LMLN: variants seen among roughly 807,000 people sequenced by gnomAD.
LMLN encodes leishmanolysin like peptidase.
In LMLN, 70 loss-of-function variants were observed where a neutral mutation model predicts 92.3. The ratio of observed to expected loss-of-function variants is 0.76; its 90% CI spans 0.63 to 0.92. The LOEUF (loss-of-function observed/expected upper bound fraction) is 0.92, where lower values mean the gene tolerates loss of function less well. Ranked by LOEUF, LMLN falls within the 40% of genes least tolerant of loss-of-function variation. LMLN has a pLI of 0.00. For missense variants in LMLN, 691 were observed against 814.6 expected (o/e 0.85, Z 1.85); for synonymous variants, 308 against 296.2 (o/e 1.04, Z -0.41).
intron 11 of LMLN, among the ~76,000 whole-genome samples, chr3:198,001,030 T>C (rs1201060101): frequency 6.6e-6 from 1 of 152,218 alleles, no homozygotes; most frequent in Non-Finnish European, 1.5e-5. Context: ...CTGTTTCTAA[T>C]GCCCCCTCTA....
At chr3:198,036,075 G>A (rs553040401) in intron 15 of LMLN, 32 bp downstream of exon 16, 3 of 1,568,632 alleles carry the variant, frequency 1.9e-6, no homozygotes, top group African/African-American at 2.7e-5. Flanking sequence ...AATAAAGAGG[G>A]AAAAGTGAAG....
At position 197,976,419 on chromosome 3, in the gene LMLN, A is replaced by G. The variant is rs543172222; in HGVS notation, c.432-179A>G. On this transcript the variant is annotated intron_variant, in intron 4 of 15. Transcript: ENST00000330198. ...CTTTATGAAGTATTTGGGTGTTTAA[A>G]AACCCAAATCAAGAGGATTTCCTAT... 16 of 531,470 alleles carry G rather than the reference A, an allele frequency of 3.0e-5. No individual in the cohort carries two copies. In the East Asian group the frequency reaches 4.8e-4, roughly 16 times the overall value. 32.9% of individuals were successfully genotyped at this position (531,470 alleles called of 1,614,324 possible).
intron 1 of LMLN, among the ~76,000 whole-genome samples, chr3:197,968,324 G>T (rs1721119935): frequency 6.6e-6 from 1 of 151,972 alleles, no homozygotes; most frequent in Non-Finnish European, 1.5e-5. Context: ...AAAAAAATTA[G>T]CTGGGTGTGG....
chr3:197,992,059 C>T (rs1581150847), intron 9 of LMLN, among the ~76,000 whole-genome samples: 1 of 136,456 alleles, frequency 7.3e-6, no homozygotes, highest in Non-Finnish European at 1.5e-5. Context: ...ACGGGGGTTT[C>T]ACCATGTTGG....
chr3:197,989,331 T>C (rs1052678004), intron 8 of LMLN, among the ~76,000 whole-genome samples: 2 of 152,230 alleles, frequency 1.3e-5, no homozygotes, highest in African/African-American at 2.4e-5. Flanking sequence ...TGGGTGGTTT[T>C]TTTCATTGCT....
intron 11 of LMLN, among the ~76,000 whole-genome samples, chr3:198,008,203 C>T (rs562581051): frequency 4.0e-5 from 6 of 151,750 alleles, no homozygotes; most frequent in Admixed American, 3.3e-4. Context: ...TCTTTTTTCC[C>T]CAATTATTTT....
intron 14 of LMLN, among the ~76,000 whole-genome samples, chr3:198,032,843 C>T (rs371537707): frequency 1.3e-3 from 205 of 152,320 alleles, no homozygotes; most frequent in African/African-American, 4.7e-3. Context: ...CAGCTGGGTT[C>T]GGAACGAACT....
chr3:198,035,133 C>G (rs7374742), intron 14 of LMLN, among the ~76,000 whole-genome samples: 59,080 of 149,902 alleles, frequency 0.39, 14,330 homozygotes, highest in African/African-American at 0.69. Context: ...GCCCAAGGTA[C>G]TCAAAGCTGC....
intron 6 of LMLN, among the ~76,000 whole-genome samples, chr3:197,983,259 T>C (rs1721608241): frequency 6.6e-6 from 1 of 152,174 alleles, no homozygotes; most frequent in African/African-American, 2.4e-5. Flanking sequence ...AGAACTGAGC[T>C]TGGGGTTCCT....
At chr3:198,037,015 C>T (rs1723252834) in intron 15 of LMLN, among the ~76,000 whole-genome samples, 1 of 152,122 alleles carries the variant, frequency 6.6e-6, no homozygotes, top group African/African-American at 2.4e-5. Context: ...TTTTCCAAAT[C>T]CTGAGGACCT....
At chr3:197,995,054 C>G (rs1401529672) in intron 9 of LMLN, among the ~76,000 whole-genome samples, 3 of 152,208 alleles carry the variant, frequency 2.0e-5, no homozygotes, top group African/African-American at 7.2e-5. Flanking sequence ...TATTTGTGGA[C>G]TTTCTGTCAC....
rs187865611 is a variant in LMLN at position 198,017,827 on chromosome 3, G to A, written c.1233-1426G>A. ...AGCTACTTGGGAGGCTGAGGGAGGA[G>A]AATTGCTTGAACCCGGGAGGTGGAG... On this transcript the variant is annotated intron_variant, in intron 11 of 15. Coordinates refer to ENST00000330198, the Ensembl canonical transcript of LMLN. Among the ~76,000 whole-genome samples, 786 of 152,298 alleles carry A rather than the reference G, an allele frequency of 5.2e-3. 9 individuals carry two copies. The highest frequency in any genetic ancestry group is 0.037 in the Middle Eastern group (11 of 294).
At chr3:198,017,054 C>T (rs961051166) in intron 11 of LMLN, among the ~76,000 whole-genome samples, 3 of 151,866 alleles carry the variant, frequency 2.0e-5, no homozygotes, top group African/African-American at 7.3e-5. Flanking sequence ...CCGAGAAGAT[C>T]AAGGCTGCAG....
exon 10 of LMLN, chr3:197,996,273 G>T (rs769828897): frequency 5.8e-6 from 9 of 1,561,904 alleles, no homozygotes; most frequent in Non-Finnish European, 8.7e-7. Flanking sequence ...GGGAAAAAAG[G>T]TTATTAGAGG....
exon 16 of LMLN, chr3:198,040,557 C>T (rs1723374472): frequency 6.6e-6 from 1 of 151,514 alleles, no homozygotes; most frequent in Non-Finnish European, 1.5e-5. Context: ...ATTGTAACCA[C>T]AACCCTCGGA....
Position 198,029,653 on chromosome 3 carries a change from A to G in LMLN, c.1656+4865A>G, listed in dbSNP as rs184367820. ...GCACCACTGCACTCCAGCCCGGGCA[A>G]TGGAGTGAGACTACATGTAAAAACA... On this transcript the variant is annotated intron_variant, in intron 14 of 15. Coordinates refer to ENST00000330198, the Ensembl canonical transcript of LMLN. Among the ~76,000 whole-genome samples the G allele has an allele frequency of 6.4e-4, 98 of 152,090 alleles. 1 individual carries two copies. Among genetic ancestry groups the G allele is most frequent in the African/African-American group, 2.2e-3 (92 of 41,526 alleles).
At chr3:197,977,996 G>A (rs149317350) in intron 5 of LMLN, among the ~76,000 whole-genome samples, 2,138 of 151,676 alleles carry the variant, frequency 0.014, 55 homozygotes, top group African/African-American at 0.048. Flanking sequence ...GTACACACAC[G>A]TTAAATCTGG....
At chr3:197,967,511 A>C (rs1721091683) in intron 1 of LMLN, among the ~76,000 whole-genome samples, 1 of 152,240 alleles carries the variant, frequency 6.6e-6, no homozygotes, top group Admixed American at 6.5e-5. Flanking sequence ...CAAAGATCAC[A>C]TGCTTCTGAG....
intron 1 of LMLN, among the ~76,000 whole-genome samples, chr3:197,965,878 G>A (rs988785695): frequency 6.6e-6 from 1 of 152,176 alleles, no homozygotes; most frequent in Non-Finnish European, 1.5e-5. Context: ...TGGCACCACT[G>A]TGTTCTAGCC....
Sources: gnomAD v4.1 joint callset for allele counts (sites outside exome capture counted in the v4.1 genomes callset) on GRCh38, gnomAD v4.1.1 for gene constraint, MANE v1.5 for transcripts, NCBI Gene and HGNC (gene_info 2026-07-23, HGNC 2026-07-21) for gene names.